Variants in OR13A1 observed in about 807,000 individuals in gnomAD.
OR13A1 encodes olfactory receptor 13A1.
In OR13A1, 10 loss-of-function variants were observed where a neutral mutation model predicts 7.5. The observed-to-expected ratio is 1.34, with a 90% CI of 0.83 to 2.27. The LOEUF (loss-of-function observed/expected upper bound fraction) is 2.27, where lower values mean the gene tolerates loss of function less well. Among genes scored for constraint, OR13A1 ranks in the 30% most tolerant of loss-of-function variants. OR13A1 has a pLI of 0.00. For missense variants in OR13A1, 509 were observed against 419.1 expected, an observed-to-expected ratio of 1.21 and a Z score of -1.87; for synonymous variants, 238 against 177.9, an observed-to-expected ratio of 1.34 and a Z score of -2.69.
chr10:45,307,613 T>A (rs939214461), intron 2 of OR13A1, 46 bp from the exon 3 acceptor site: 1 of 152,210 alleles, frequency 6.6e-6, no homozygotes, highest in Non-Finnish European at 1.5e-5. Context: ...CATAGGGCAT[T>A]TGCTTCAATT....
intron 1 of OR13A1, among the ~76,000 whole-genome samples, chr10:45,308,423 G>T (rs1280362090): frequency 6.6e-6 from 1 of 152,128 alleles, no homozygotes; most frequent in Non-Finnish European, 1.5e-5. Context: ...TCAAAGAAAA[G>T]CCATGAAAAA....
intron 1 of OR13A1, among the ~76,000 whole-genome samples, chr10:45,311,909 A>T (rs1283234639): frequency 6.6e-6 from 1 of 152,204 alleles, no homozygotes; most frequent in East Asian, 1.9e-4. Context: ...TTAGCATATC[A>T]AATAGAGACA....
chr10:45,304,139 A>T lies in OR13A1; in HGVS notation c.284T>A (p.Ile95Asn). 6.2e-7 allele frequency: 1 copy of T among 1,614,228 alleles called. No homozygotes were observed. Among genetic ancestry groups the T allele is most frequent in the South Asian group, 1.1e-5 (1 of 91,074 alleles). ...ATMDIICTSS[I>N]MPKALASLVS... ...CAGACTGGCCAGCGCCTTGGGCATGATGGAAGAGGTGCAGATAATGTCCAT... is the reference window on the plus strand; with the variant it reads ...CAGACTGGCCAGCGCCTTGGGCATGTTGGAAGAGGTGCAGATAATGTCCAT... Residue 95 changes from isoleucine to asparagine, a missense_variant, in exon 4 of 4, where the codon ATC becomes AAC. Coordinates refer to ENST00000553795, the MANE Select transcript of OR13A1 (RefSeq NM_001004297.3).
chr10:45,303,606 C>CAGCG lies in OR13A1; in HGVS notation c.813_816dup (p.Val273ArgfsTer63). On this transcript the variant is annotated frameshift_variant, in exon 4 of 4. Coordinates refer to ENST00000553795, the MANE Select transcript of OR13A1 (RefSeq NM_001004297.3). LOFTEE classifies it low-confidence loss of function (END_TRUNC). ...ACCGGGCTTATGTAGGCGTAGAAGA[C>CAGCG]AGCGGTGTAATACATGCACACCACG... 1 of 1,613,712 alleles carries CAGCG rather than the reference C, an allele frequency of 6.2e-7. No individual in the cohort carries two copies. Among genetic ancestry groups the CAGCG allele is most frequent in the Non-Finnish European group, 8.5e-7 (1 of 1,179,940 alleles).
intron 3 of OR13A1, among the ~76,000 whole-genome samples, chr10:45,307,203 C>G (rs1240378091): frequency 1.3e-5 from 2 of 152,208 alleles, no homozygotes; most frequent in Non-Finnish European, 2.9e-5. Flanking sequence ...TCACTGAACA[C>G]CTACCAAGCA....
At chr10:45,311,502 G>T (rs189382598) in intron 1 of OR13A1, among the ~76,000 whole-genome samples, 2 of 152,152 alleles carry the variant, frequency 1.3e-5, no homozygotes, top group Admixed American at 6.5e-5. Flanking sequence ...TTGCGACAGG[G>T]TCTTGATATA....
At chr10:45,306,129 G>A (rs1411566934) in intron 3 of OR13A1, among the ~76,000 whole-genome samples, 1 of 152,160 alleles carries the variant, frequency 6.6e-6, no homozygotes, top group African/African-American at 2.4e-5. Context: ...GTGCACATTT[G>A]GTTTTTCCCT....
chr10:45,306,521 A>G (rs1331312524), intron 3 of OR13A1, among the ~76,000 whole-genome samples: 1 of 152,252 alleles, frequency 6.6e-6, no homozygotes, highest in Non-Finnish European at 1.5e-5. Flanking sequence ...GTTTGTTTTA[A>G]AAATGAACAT....
At chr10:45,304,997 G>A (rs146752235) in intron 3 of OR13A1, among the ~76,000 whole-genome samples, 4 of 152,202 alleles carry the variant, frequency 2.6e-5, no homozygotes, top group African/African-American at 9.6e-5. Context: ...TTGGGAGGCC[G>A]AGGCAGGCAG....
chr10:45,313,773 C>T (rs1213472832), intron 1 of OR13A1, among the ~76,000 whole-genome samples: 3 of 152,074 alleles, frequency 2.0e-5, no homozygotes, highest in Non-Finnish European at 4.4e-5. Flanking sequence ...CTGAAGCAAA[C>T]ATTGACAGAT....
At chr10:45,315,495 A>G (rs1170168257) in intron 1 of OR13A1, 29 bp downstream of exon 1, 1 of 152,166 alleles carries the variant, frequency 6.6e-6, no homozygotes, top group Non-Finnish European at 1.5e-5. Context: ...AATAAAGGCC[A>G]TATATGAAAA....
chr10:45,314,199 T>C (rs536206629), intron 1 of OR13A1, among the ~76,000 whole-genome samples: 1 of 152,140 alleles, frequency 6.6e-6, no homozygotes, highest in African/African-American at 2.4e-5. Context: ...TTAGAAAATA[T>C]CTTGAGATAA....
In OR13A1 at chr10:45,303,729, T is replaced by C. The variant is rs1463239271; in HGVS notation, c.694A>G (p.Thr232Ala). 2 of 1,614,036 alleles carry C rather than the reference T, an allele frequency of 1.2e-6. No individual in the cohort carries two copies. Among genetic ancestry groups the C allele is most frequent in the Non-Finnish European group, 8.5e-7 (1 of 1,180,040 alleles). Reference protein sequence around the residue: ...AFYGIVNFLMTIASYGFIVSS... With the variant: ...AFYGIVNFLMAIASYGFIVSS... ...ACGATGAAGCCATAGGACGCGATGG[T>C]CATCAGGAAGTTCACTATGCCGTAG... The change falls in exon 4 of 4, where the codon ACC becomes GCC. Residue 232 changes from threonine to alanine, a missense_variant. By Grantham distance (58) the Thr-to-Ala change is moderately conservative (BLOSUM62 0). Transcript: ENST00000553795.
At chr10:45,312,396 C>T (rs957290491) in intron 1 of OR13A1, among the ~76,000 whole-genome samples, 1 of 151,852 alleles carries the variant, frequency 6.6e-6, no homozygotes, top group Non-Finnish European at 1.5e-5. Context: ...AGAATTACAG[C>T]AGAGTTTCTA....
intron 3 of OR13A1, among the ~76,000 whole-genome samples, chr10:45,306,444 C>A (rs1448661396): frequency 1.8e-5 from 2 of 109,802 alleles, no homozygotes; most frequent in Non-Finnish European, 3.6e-5. Context: ...CAGAGCGAGA[C>A]TCCGTCTCAA....
Position 45,303,674 on chromosome 10 carries a change from C to A in OR13A1, c.749G>T (p.Trp250Leu), listed in dbSNP as rs1433658936. The A allele has an allele frequency of 6.2e-7, 1 of 1,614,078 alleles. No homozygotes were observed. The highest frequency in any genetic ancestry group is 1.3e-5 in the African/African-American group (1 of 74,934). Reference protein sequence around the residue: ...VSSILKVKTAWGRQKAFSTCS... With the variant: ...VSSILKVKTALGRQKAFSTCS... The stretch of plus-strand genomic sequence containing the variant: ...GGTGGAGAAGGCTTTCTGCCTCCCC[C>A]AGGCAGTCTTCACCTTCAGGATGCT... Residue 250 changes from tryptophan to leucine, a missense_variant, in exon 4 of 4, where the codon TGG (tryptophan) becomes TTG (leucine). Physicochemically the swap from Trp to Leu is moderately conservative, Grantham distance 61. Coordinates refer to ENST00000553795, the MANE Select transcript of OR13A1 (RefSeq NM_001004297.3).
chr10:45,309,993 T>C (rs945681996), intron 1 of OR13A1, among the ~76,000 whole-genome samples: 9 of 152,216 alleles, frequency 5.9e-5, no homozygotes, highest in African/African-American at 1.4e-4. Context: ...TAAGATGACG[T>C]ACATGAATCC....
chr10:45,306,956 C>T (rs187411238), intron 3 of OR13A1, among the ~76,000 whole-genome samples: 4 of 152,296 alleles, frequency 2.6e-5, no homozygotes, highest in African/African-American at 9.6e-5. Context: ...ACTTTATTTG[C>T]TCTTATGATG....
intron 1 of OR13A1, among the ~76,000 whole-genome samples, chr10:45,309,455 G>A (rs1460226413): frequency 1.3e-5 from 2 of 152,032 alleles, no homozygotes; most frequent in African/African-American, 4.8e-5. Flanking sequence ...TGGAAGGAAA[G>A]GACCACTCTG....
Sources: allele counts gnomAD v4.1 joint callset (sites outside exome capture counted in the v4.1 genomes callset), GRCh38; gene constraint gnomAD v4.1.1; transcripts MANE v1.5; gene names NCBI Gene and HGNC (gene_info 2026-07-23, HGNC 2026-07-21).